Variants in DAPK1 observed in about 807,000 individuals in gnomAD.
DAPK1 encodes the protein death-associated protein kinase 1.
A neutral mutation model predicts 144.9 loss-of-function variants in DAPK1; 56 were observed. The observed-to-expected ratio is 0.39, with a 90% confidence interval of 0.31 to 0.48. The LOEUF is 0.48. Ranked by LOEUF, DAPK1 falls within the 20% of genes least tolerant of loss-of-function variation. The pLI is 0.95. For synonymous variants in DAPK1, 690 were observed against 749.0 expected, an observed-to-expected ratio of 0.92 and a Z score of 1.29; for missense variants, 1,454 against 1,875.4, an observed-to-expected ratio of 0.78 and a Z score of 4.15.
chr9:87,658,126 C>T lies in DAPK1; in HGVS notation c.1922C>T (p.Thr641Met), dbSNP rs746034671. The T allele has an allele frequency of 1.5e-5, 19 of 1,266,618 alleles. No homozygotes were observed. The highest frequency in any genetic ancestry group is 1.8e-4 in the Middle Eastern group (1 of 5,410). The allele number at this position is 1,266,618 out of a possible 1,614,324, so 78.5% of individuals were successfully genotyped here. The change falls in exon 18 of 26, where the codon ACG becomes ATG. Residue 641 changes from threonine to methionine, a missense_variant and splice_region_variant. Physicochemically the swap from Thr to Met is moderately conservative, Grantham distance 81. Coordinates refer to ENST00000408954, the MANE Select transcript of DAPK1 (RefSeq NM_004938.4). ...LMGASVEALT[T>M]DGKTAEDLAR... ...GGAGCCAGCGTTGAGGCGCTGACCACGGTGAGTGCCCACAGGGCTTCGTGA... is the reference window on the plus strand; with the variant it reads ...GGAGCCAGCGTTGAGGCGCTGACCATGGTGAGTGCCCACAGGGCTTCGTGA...
chr9:87,515,278 CA>C (rs1442000800), intron 2 of DAPK1, among the ~76,000 whole-genome samples: 2 of 152,108 alleles, frequency 1.3e-5, no homozygotes, highest in Non-Finnish European at 2.9e-5. Flanking sequence ...ATTATGTGTC[CA>C]AAAGGGTGTG....
At chr9:87,598,480 C>CT (rs112121074) in intron 2 of DAPK1, among the ~76,000 whole-genome samples, 14 of 149,114 alleles carry the variant, frequency 9.4e-5, no homozygotes, top group South Asian at 4.3e-4. Context: ...GTTTTCGTCA[C>CT]TTTTTTTTTT....
intron 3 of DAPK1, among the ~76,000 whole-genome samples, chr9:87,612,049 A>G (rs1047571776): frequency 1.3e-5 from 2 of 152,228 alleles, no homozygotes; most frequent in Non-Finnish European, 2.9e-5. Context: ...TAACATGGCA[A>G]AAGGCATCGC....
chr9:87,642,790 A>T (rs1178384054), intron 10 of DAPK1, among the ~76,000 whole-genome samples: 2 of 152,134 alleles, frequency 1.3e-5, no homozygotes, highest in Non-Finnish European at 2.9e-5. Context: ...AGTCCTTAGA[A>T]TTAGGCTTAA....
intron 2 of DAPK1, among the ~76,000 whole-genome samples, chr9:87,600,695 C>A (rs1346141166): frequency 1.3e-5 from 2 of 152,218 alleles, no homozygotes; most frequent in Non-Finnish European, 2.9e-5. Flanking sequence ...AATGTCATAG[C>A]ATGCAAAGAA....
intron 17 of DAPK1, among the ~76,000 whole-genome samples, chr9:87,654,339 C>T (rs1830559765): frequency 6.6e-6 from 1 of 152,104 alleles, no homozygotes; most frequent in Admixed American, 6.6e-5. Context: ...TTTTTAATTT[C>T]AGGAAATGTT....
At chr9:87,637,904 C>G in intron 3 of DAPK1, 39 bp from the exon 4 acceptor site, 7 of 1,603,530 alleles carry the variant, frequency 4.4e-6, no homozygotes, top group Non-Finnish European at 6.0e-6. Flanking sequence ...CAATATGAAA[C>G]AGAGTTGTTA....
At chr9:87,634,638 A>T (rs36210670) in intron 3 of DAPK1, among the ~76,000 whole-genome samples, 1 of 152,226 alleles carries the variant, frequency 6.6e-6, no homozygotes, top group South Asian at 2.1e-4. Context: ...GCAGAAGAGC[A>T]TGAGGATGAG....
chr9:87,532,689 T>A (rs1825737567), intron 2 of DAPK1, among the ~76,000 whole-genome samples: 1 of 152,308 alleles, frequency 6.6e-6, no homozygotes. Context: ...GCATTCATAA[T>A]AGAGCCAGCT....
chr9:87,540,475 G>A (rs1004447994), intron 2 of DAPK1, among the ~76,000 whole-genome samples: 1 of 152,142 alleles, frequency 6.6e-6, no homozygotes. Context: ...ACCGGCATGA[G>A]CCGCCGTGCC....
intron 19 of DAPK1, among the ~76,000 whole-genome samples, chr9:87,680,637 T>TCACA (rs200231672): frequency 1.5e-5 from 2 of 134,292 alleles, no homozygotes; most frequent in South Asian, 2.7e-4. Flanking sequence ...AGTGTGGGGG[T>TCACA]CACACACACA....
intron 2 of DAPK1, among the ~76,000 whole-genome samples, chr9:87,524,044 G>A (rs537854165): frequency 2.6e-5 from 4 of 152,326 alleles, no homozygotes; most frequent in African/African-American, 9.6e-5. Flanking sequence ...TCTACTCAGC[G>A]AGGTGGATGA....
rs771706666 is a variant in DAPK1, at chr9:87,668,628, C to G, written c.1955C>G (p.Ser652Trp). 26 of 1,481,648 alleles carry G rather than the reference C, an allele frequency of 1.8e-5. No homozygotes were observed. Among genetic ancestry groups the G allele is most frequent in the Non-Finnish European group, 1.2e-5 (13 of 1,059,090 alleles). The allele number at this position is 1,481,648 out of a possible 1,614,324, so 91.8% of individuals were successfully genotyped here. ...DGKTAEDLAR[S>W]EQHEHVAGLL... ...AAGACGGCAGAAGATCTTGCTAGAT[C>G]GGAACAGCACGAGCACGTAGCAGGT... Residue 652 changes from serine to tryptophan, a missense_variant, in exon 19 of 26, where the codon TCG becomes TGG. By Grantham distance (177) the Ser-to-Trp change is radical. Around this residue, in one of 2 missense-constraint regions of DAPK1, gnomAD observed 1,025 missense variants for 1,237.9 expected, o/e 0.83. Transcript: ENST00000408954.
At chr9:87,677,406 G>T (rs1824433397) in intron 19 of DAPK1, among the ~76,000 whole-genome samples, 1 of 152,166 alleles carries the variant, frequency 6.6e-6, no homozygotes, top group African/African-American at 2.4e-5. Flanking sequence ...AGAGTGGAAG[G>T]GCCTGTGGGA....
At chr9:87,660,077 C>T (rs1317390288) in intron 18 of DAPK1, among the ~76,000 whole-genome samples, 2 of 152,184 alleles carry the variant, frequency 1.3e-5, no homozygotes, top group African/African-American at 4.8e-5. Flanking sequence ...AGGCCCCGTC[C>T]TCAGCCGGAC....
intron 3 of DAPK1, among the ~76,000 whole-genome samples, chr9:87,606,429 G>A (rs545586871): frequency 9.2e-5 from 14 of 152,144 alleles, no homozygotes; most frequent in African/African-American, 3.4e-4. Context: ...GTTGGTAGAT[G>A]ACATTAATAT....
intron 2 of DAPK1, among the ~76,000 whole-genome samples, chr9:87,556,762 C>A (rs1442640856): frequency 6.6e-6 from 1 of 152,178 alleles, no homozygotes; most frequent in Non-Finnish European, 1.5e-5. Flanking sequence ...CAGCCCATAC[C>A]CTCAGGAGAA....
rs1564038895 is a variant in DAPK1, at chr9:87,640,806, A to C, written c.787A>C (p.Arg263=). The change falls in exon 9 of 26, where the codon AGA becomes CGA. Residue 263 remains arginine, a synonymous_variant. Transcript: ENST00000408954. Reference sequence around the variant, plus strand: ...TCTTCTCCCCCTCCCCTCAAGGAAGAGAATGACAATTCAAGATAGTTTGCA... The same window carrying C: ...TCTTCTCCCCCTCCCCTCAAGGAAGCGAATGACAATTCAAGATAGTTTGCA... The part of the protein sequence containing the change: ...RRLLVKDPKK[R]MTIQDSLQHP... 1 of 1,614,176 alleles carries C rather than the reference A, an allele frequency of 6.2e-7. No homozygotes were observed.
In DAPK1 at chr9:87,655,486, T is replaced by C. The variant is rs7868817; in HGVS notation, c.1825-2543T>C. On this transcript the variant is annotated intron_variant, in intron 17 of 25. Transcript: ENST00000408954. ...CTAGAGACTCACTCAAGTAACTGAT[T>C]GTGAGCGTGGGGTGGCATCCACATT... Among the ~76,000 whole-genome samples, 553 of 152,284 alleles carry C rather than the reference T, an allele frequency of 3.6e-3. 1 individual carries two copies. Among genetic ancestry groups the C allele is most frequent in the African/African-American group, 0.011 (470 of 41,558 alleles).
Sources: allele counts gnomAD v4.1 joint callset (sites outside exome capture counted in the v4.1 genomes callset), GRCh38; gene constraint gnomAD v4.1.1; regional missense constraint gnomAD v4.1.1; transcripts MANE v1.5; gene names NCBI Gene and HGNC (gene_info 2026-07-23, HGNC 2026-07-21).